GLCE: variants seen among roughly 807,000 people sequenced by gnomAD.
GLCE encodes the protein glucuronic acid epimerase, also known as D-glucuronyl C5-epimerase.
A neutral mutation model predicts 47.9 loss-of-function variants in GLCE; 19 were observed. That is an observed-to-expected ratio of 0.40 (90% CI 0.28 to 0.58). The LOEUF (loss-of-function observed/expected upper bound fraction) is 0.58, where lower values mean the gene tolerates loss of function less well. Ranked by LOEUF, GLCE falls within the 20% of genes least tolerant of loss-of-function variation. GLCE has a pLI of 0.48. For missense variants in GLCE, 556 were observed against 743.3 expected (o/e 0.75, Z 2.93); for synonymous variants, 245 against 263.4 (o/e 0.93, Z 0.68).
intron 1 of GLCE, among the ~76,000 whole-genome samples, chr15:69,202,078 T>C (rs1274951946): frequency 6.6e-6 from 1 of 151,962 alleles, no homozygotes; most frequent in Non-Finnish European, 1.5e-5. Flanking sequence ...CTGTACCACA[T>C]CTGGCTATTT....
chr15:69,186,940 G>A (rs2051832927), intron 1 of GLCE, among the ~76,000 whole-genome samples: 1 of 151,962 alleles, frequency 6.6e-6, no homozygotes, highest in Non-Finnish European at 1.5e-5. Flanking sequence ...GTGAAGTTTG[G>A]TTGTTATTAC....
chr15:69,209,763 C>T (rs2052203183), intron 1 of GLCE, among the ~76,000 whole-genome samples: 1 of 152,138 alleles, frequency 6.6e-6, no homozygotes, highest in Non-Finnish European at 1.5e-5. Flanking sequence ...TTAATGTTCA[C>T]TCCCTGCAGC....
rs928814693 is a variant in GLCE at position 69,261,058 on chromosome 15, A to T, written c.587-29A>T. 7 of 1,596,148 alleles carry T rather than the reference A, an allele frequency of 4.4e-6. No homozygotes were observed. In the African/African-American group the frequency reaches 9.4e-5, roughly 21 times the overall value. On this transcript the variant is annotated intron_variant, in intron 3 of 4. Transcript: ENST00000261858. ...AATAGGCTTGTAATGTCTGGATATG[A>T]TTATTCATTTTGTTTCTCTATTTTA...
chr15:69,213,753 G>A (rs1389751492), intron 2 of GLCE, among the ~76,000 whole-genome samples: 1 of 152,054 alleles, frequency 6.6e-6, no homozygotes, highest in Non-Finnish European at 1.5e-5. Context: ...CTTGCCTGCA[G>A]CTTCTGTGGT....
intron 2 of GLCE, among the ~76,000 whole-genome samples, chr15:69,251,548 T>G (rs1357437141): frequency 2.6e-5 from 4 of 152,312 alleles, no homozygotes; most frequent in Middle Eastern, 6.8e-3. Flanking sequence ...TACTTCTTAT[T>G]ATTAGATAGG....
At chr15:69,243,697 A>G (rs898933889) in intron 2 of GLCE, among the ~76,000 whole-genome samples, 1 of 152,168 alleles carries the variant, frequency 6.6e-6, no homozygotes, top group African/African-American at 2.4e-5. Flanking sequence ...CTTGCCAGAA[A>G]TTAAACTAAG....
chr15:69,257,434 G>A (rs968564126), intron 3 of GLCE, among the ~76,000 whole-genome samples: 6 of 152,096 alleles, frequency 3.9e-5, no homozygotes, highest in African/African-American at 1.4e-4. Flanking sequence ...GATCTCCCAG[G>A]CTCAAGTGAT....
At chr15:69,188,178 T>A (rs1334145881) in intron 1 of GLCE, among the ~76,000 whole-genome samples, 5 of 151,986 alleles carry the variant, frequency 3.3e-5, no homozygotes, top group Admixed American at 1.3e-4. Flanking sequence ...GAGGTGGAGG[T>A]TGCCAAGATT....
intron 1 of GLCE, among the ~76,000 whole-genome samples, chr15:69,195,977 A>G (rs905768620): frequency 6.6e-6 from 1 of 152,252 alleles, no homozygotes; most frequent in East Asian, 1.9e-4. Context: ...AAACTAACAG[A>G]TAAAATATAT....
At chr15:69,175,185 A>G (rs2051644519) in intron 1 of GLCE, among the ~76,000 whole-genome samples, 1 of 152,032 alleles carries the variant, frequency 6.6e-6, no homozygotes, top group Non-Finnish European at 1.5e-5. Context: ...TCTTCATCTG[A>G]TGTATTGTAA....
At chr15:69,176,220 T>G (rs375445962) in intron 1 of GLCE, among the ~76,000 whole-genome samples, 10 of 132,680 alleles carry the variant, frequency 7.5e-5, no homozygotes, top group African/African-American at 2.7e-4. Flanking sequence ...AACCTTGTTT[T>G]TTTTTTTTTT....
At chr15:69,185,716 G>T (rs559045780) in intron 1 of GLCE, among the ~76,000 whole-genome samples, 3 of 151,812 alleles carry the variant, frequency 2.0e-5, no homozygotes, top group East Asian at 3.9e-4. Context: ...AGGTATGGGG[G>T]TTTTTCCCTA....
rs777908525 is a variant in GLCE at position 69,268,233 on chromosome 15, T to C, written c.843T>C (p.Gly281=). ...TCTCCCCTACAGAAACCAGTGAAGG[T>C]GTATCCTTGCAACTGGGAAACACAA... ...KQFIAPETSE[G]VSLQLGNTKD... The change falls in exon 5 of 5, where the codon GGT becomes GGC. Residue 281 remains glycine, a synonymous_variant. Transcript: ENST00000261858. 2 of 1,602,060 alleles carry C rather than the reference T, an allele frequency of 1.2e-6. No homozygotes were observed. The highest frequency in any genetic ancestry group is 8.5e-7 in the Non-Finnish European group (1 of 1,173,408).
chr15:69,267,819 A>G (rs991532858), intron 4 of GLCE, among the ~76,000 whole-genome samples: 1 of 147,630 alleles, frequency 6.8e-6, no homozygotes, highest in African/African-American at 2.5e-5. Flanking sequence ...TTCTTGCAAT[A>G]TTATGTGCTG....
chr15:69,255,754 G>C, intron 2 of GLCE, 40 bp from the exon 3 acceptor site: 1 of 1,164,442 alleles, frequency 8.6e-7, no homozygotes, highest in South Asian at 1.4e-5. Context: ...AATGCCGGTA[G>C]TACATCTTTG....
chr15:69,214,851 A>T (rs2052282916), intron 2 of GLCE, among the ~76,000 whole-genome samples: 1 of 152,094 alleles, frequency 6.6e-6, no homozygotes, highest in Admixed American at 6.6e-5. Context: ...GCTAATCCAT[A>T]CTCCTGTGAG....
chr15:69,257,950 T>C (rs1467793235), intron 3 of GLCE, among the ~76,000 whole-genome samples: 5 of 152,094 alleles, frequency 3.3e-5, no homozygotes, highest in Admixed American at 6.5e-5. Context: ...TGACTTTTTT[T>C]CCCCATTCTT....
In GLCE at chr15:69,268,348, A is replaced by G. The variant is rs754207820; in HGVS notation, c.958A>G (p.Thr320Ala). Residue 320 changes from threonine (T) to alanine (A), a missense_variant, in exon 5 of 5, where the codon ACT (threonine) becomes GCT (alanine). By Grantham distance (58) the Thr-to-Ala change is moderately conservative. This residue lies in a region of GLCE where 245 missense variants were observed against 368.1 expected (regional missense o/e 0.67). Transcript: ENST00000261858. ...GACCACAGAAAAGAATCAGCTCTTC[A>G]CTATACATTATGTCTCAAATGCTCA... ...LETTEKNQLF[T>A]IHYVSNAQLI... The G allele has an allele frequency of 5.6e-6, 9 of 1,613,940 alleles. No individual in the cohort carries two copies. In the East Asian group the frequency reaches 1.3e-4, roughly 24 times the overall value.
intron 4 of GLCE, among the ~76,000 whole-genome samples, chr15:69,264,672 C>T (rs1428667400): frequency 6.6e-6 from 1 of 152,088 alleles, no homozygotes; most frequent in Non-Finnish European, 1.5e-5. Flanking sequence ...CAAGGGTTTC[C>T]CTTTCTCCAT....
Sources: gnomAD v4.1 joint callset for allele counts (sites outside exome capture counted in the v4.1 genomes callset) on GRCh38, gnomAD v4.1.1 for gene constraint, gnomAD v4.1.1 regional missense constraint, MANE v1.5 for transcripts, NCBI Gene and HGNC (gene_info 2026-07-23, HGNC 2026-07-21) for gene names.